Variants in RABEP1 observed in about 807,000 individuals in gnomAD.
RABEP1 encodes rab GTPase-binding effector protein 1.
In RABEP1, 51 loss-of-function variants were observed where a neutral mutation model predicts 123.4. That is an observed-to-expected ratio of 0.41 (90% confidence interval 0.33 to 0.52). RABEP1 has a LOEUF of 0.52. RABEP1 is among the 20% of genes least tolerant of loss of function. RABEP1 has a pLI of 0.16. For missense variants in RABEP1, 888 were observed against 996.3 expected (o/e 0.89, Z 1.46); for synonymous variants, 347 against 355.2 (o/e 0.98, Z 0.26).
At chr17:5,342,686 G>A (rs1310764824) in intron 5 of RABEP1, among the ~76,000 whole-genome samples, 2 of 152,124 alleles carry the variant, frequency 1.3e-5, no homozygotes, top group East Asian at 3.8e-4. Context: ...GTTTAATTAG[G>A]AACTTGATAA....
At chr17:5,380,687 A>G (rs1911380741) in intron 16 of RABEP1, 1 of 541,178 alleles carries the variant, frequency 1.8e-6, no homozygotes, top group South Asian at 1.8e-5. Flanking sequence ...CTAGCTTCAG[A>G]TAGTAGGCAG....
At chr17:5,324,295 C>CA (rs1202793283) in intron 2 of RABEP1, among the ~76,000 whole-genome samples, 1 of 152,052 alleles carries the variant, frequency 6.6e-6, no homozygotes, top group Non-Finnish European at 1.5e-5. Flanking sequence ...ATTTTGCAGT[C>CA]AACTCATCTG....
At chr17:5,307,863 C>T (rs951977879) in intron 1 of RABEP1, among the ~76,000 whole-genome samples, 6 of 152,164 alleles carry the variant, frequency 3.9e-5, no homozygotes, top group Non-Finnish European at 8.8e-5. Context: ...ATGTGCAGTT[C>T]TGTATCCTCT....
At chr17:5,282,543 C>CGCG in intron 1 of RABEP1, 23 bp downstream of exon 1, 2 of 1,178,546 alleles carry the variant, frequency 1.7e-6, no homozygotes, top group Non-Finnish European at 2.1e-6. Context: ...CCATGGCAGG[C>CGCG]GCGGCGGGCG....
chr17:5,343,826 C>T lies in RABEP1; in HGVS notation c.649-2964C>T, dbSNP rs368291759. Among the ~76,000 whole-genome samples the T allele has an allele frequency of 4.0e-5, 6 of 151,770 alleles. No individual in the cohort carries two copies. The East Asian group carries it at 9.8e-4, about 25-fold the overall frequency. On this transcript the variant is annotated intron_variant, in intron 5 of 17. Coordinates refer to ENST00000537505, the MANE Select transcript of RABEP1 (RefSeq NM_004703.6). ...AAGTAGCTGGGATTACAGGCGTGCA[C>T]CACTGCACCTGGCTAATTTTTGTAT...
At chr17:5,342,232 A>G (rs1327141266) in intron 5 of RABEP1, among the ~76,000 whole-genome samples, 2 of 152,164 alleles carry the variant, frequency 1.3e-5, no homozygotes, top group Non-Finnish European at 2.9e-5. Context: ...AAAAAGAAAA[A>G]AAAGAAAAAG....
chr17:5,373,440 C>G lies in RABEP1; in HGVS notation c.2011C>G (p.Pro671Ala). The change falls in exon 13 of 18, where the codon CCA becomes GCA. Residue 671 changes from proline (P) to alanine (A), a missense_variant. Coordinates refer to ENST00000537505, the MANE Select transcript of RABEP1 (RefSeq NM_004703.6). Reference protein sequence around the residue: ...SLQQAEDFILPDTTEALRELV... With the variant: ...SLQQAEDFILADTTEALRELV... The stretch of plus-strand genomic sequence containing the variant: ...ACAGCAAGCAGAAGACTTCATCCTC[C>G]CAGACACTACAGAGGTAACTTACTT... 6.2e-7 allele frequency: 1 copy of G among 1,610,180 alleles called. No homozygotes were observed. The highest frequency in any genetic ancestry group is 1.3e-5 in the African/African-American group (1 of 74,658).
At chr17:5,288,379 G>A (rs2074999565) in intron 1 of RABEP1, among the ~76,000 whole-genome samples, 1 of 151,946 alleles carries the variant, frequency 6.6e-6, no homozygotes, top group South Asian at 2.1e-4. Context: ...TAGATGATGT[G>A]TGGCTTTTTA....
rs531165647 is a variant in RABEP1 at position 5,321,115 on chromosome 17, G to T, written c.164-10834G>T. Among the ~76,000 whole-genome samples the T allele has an allele frequency of 1.6e-4, 25 of 152,232 alleles. 1 individual carries two copies. The South Asian group carries it at 5.2e-3, about 32-fold the overall frequency. On this transcript the variant is annotated intron_variant, in intron 2 of 17. Transcript: ENST00000537505. ...ACTTGAGCCCAGGAGTTTGAGGCCAGCCTGGGCAGCAAAGTGAGACCCTGG... is the reference window on the plus strand; with the variant it reads ...ACTTGAGCCCAGGAGTTTGAGGCCATCCTGGGCAGCAAAGTGAGACCCTGG...
At position 5,308,265 on chromosome 17, in the gene RABEP1, A is replaced by G. The variant is rs1213089841; in HGVS notation, c.35-429A>G. Among the ~76,000 whole-genome samples, 3 of 146,528 alleles carry G rather than the reference A, an allele frequency of 2.0e-5. No individual in the cohort carries two copies. In the East Asian group the frequency reaches 5.9e-4, roughly 29 times the overall value. On this transcript the variant is annotated intron_variant, in intron 1 of 17. Transcript: ENST00000537505. ...TTTTGAGACAGAGTCTCACTCTGTCACCCAGGCTAGAGTGCAGTGGTGCGA... is the reference window on the plus strand; with the variant it reads ...TTTTGAGACAGAGTCTCACTCTGTCGCCCAGGCTAGAGTGCAGTGGTGCGA...
intron 3 of RABEP1, 93 bp from the exon 4 acceptor site, chr17:5,335,091 G>A (rs867456135): frequency 5.6e-6 from 6 of 1,068,476 alleles, no homozygotes; most frequent in Non-Finnish European, 7.9e-6. Context: ...GAAATTAGAC[G>A]TAAGCTTTTT....
chr17:5,304,735 T>G (rs914341165), intron 1 of RABEP1, among the ~76,000 whole-genome samples: 6 of 152,198 alleles, frequency 3.9e-5, no homozygotes, highest in African/African-American at 1.2e-4. Flanking sequence ...AGGTTTAATT[T>G]TGTTGAAGGC....
chr17:5,385,166 A>C lies in RABEP1; in HGVS notation c.*1943A>C, dbSNP rs917168352. 4 of 229,748 alleles carry C rather than the reference A, an allele frequency of 1.7e-5. No homozygotes were observed. Among genetic ancestry groups the C allele is most frequent in the Non-Finnish European group, 3.4e-5 (4 of 115,980 alleles). 14.2% of individuals were successfully genotyped at this position (229,748 alleles called of 1,614,324 possible). On this transcript the variant is annotated 3_prime_UTR_variant, in exon 18 of 18. Transcript: ENST00000537505. ...CTTTATTGTAGAAAAACCCAAACTGAGACTCTTAAGTTTTGTTTAGCAATG... is the reference window on the plus strand; with the variant it reads ...CTTTATTGTAGAAAAACCCAAACTGCGACTCTTAAGTTTTGTTTAGCAATG...
intron 1 of RABEP1, among the ~76,000 whole-genome samples, chr17:5,307,599 T>A (rs2075191713): frequency 6.6e-6 from 1 of 152,164 alleles, no homozygotes; most frequent in Admixed American, 6.5e-5. Context: ...AAAGGGATTA[T>A]GGTCATAGCT....
At chr17:5,295,156 C>G (rs1179522246) in intron 1 of RABEP1, among the ~76,000 whole-genome samples, 1 of 151,498 alleles carries the variant, frequency 6.6e-6, no homozygotes, top group East Asian at 1.9e-4. Context: ...CCGAGTCGGG[C>G]AAATCACCTG....
intron 1 of RABEP1, among the ~76,000 whole-genome samples, chr17:5,292,054 T>C (rs1391267941): frequency 6.6e-6 from 1 of 152,194 alleles, no homozygotes; most frequent in East Asian, 1.9e-4. Context: ...TTTCCTAGAG[T>C]GTTCTGGATC....
At chr17:5,283,636 A>G (rs2074950223) in intron 1 of RABEP1, among the ~76,000 whole-genome samples, 6 of 152,196 alleles carry the variant, frequency 3.9e-5, no homozygotes, top group South Asian at 2.1e-4. Flanking sequence ...GGTACGGAGT[A>G]GGTACTTTAA....
intron 12 of RABEP1, among the ~76,000 whole-genome samples, chr17:5,368,960 T>C (rs1338128493): frequency 6.6e-6 from 1 of 152,022 alleles, no homozygotes; most frequent in East Asian, 1.9e-4. Context: ...TACAAAAAAC[T>C]AGCCGGGCGT....
intron 1 of RABEP1, among the ~76,000 whole-genome samples, chr17:5,304,906 A>T (rs1050617936): frequency 2.6e-5 from 4 of 152,300 alleles, no homozygotes; most frequent in Non-Finnish European, 2.9e-5. Flanking sequence ...TCATTTGATC[A>T]CTACTTTTTT....
Sources: allele counts gnomAD v4.1 joint callset (sites outside exome capture counted in the v4.1 genomes callset), GRCh38; gene constraint gnomAD v4.1.1; transcripts MANE v1.5; gene names NCBI Gene and HGNC (gene_info 2026-07-23, HGNC 2026-07-21).